Variants in MYBL2 observed in about 807,000 individuals in gnomAD.
The protein encoded by MYBL2 is myb-related protein B.
MYBL2 carries 28 observed loss-of-function variants against 79.9 expected under a neutral mutation model. The observed-to-expected ratio is 0.35, with a 90% CI of 0.26 to 0.48. MYBL2 has a LOEUF of 0.48. MYBL2 is among the 20% of genes least tolerant of loss of function. The probability of loss-of-function intolerance (pLI) is 0.99; values close to 1 mark genes in which losing one functional copy is unlikely to be tolerated. For synonymous variants in MYBL2, 378 were observed against 361.2 expected, an observed-to-expected ratio of 1.05 and a Z score of -0.53; for missense variants, 735 against 893.9, an observed-to-expected ratio of 0.82 and a Z score of 2.27.
chr20:43,670,103 T>C (rs570593596), intron 1 of MYBL2, among the ~76,000 whole-genome samples: 1 of 152,050 alleles, frequency 6.6e-6, no homozygotes, highest in African/African-American at 2.4e-5. Flanking sequence ...AGACTCTATC[T>C]CAAAATAAAC....
chr20:43,711,792 CCT>C (rs1987914528), intron 11 of MYBL2, among the ~76,000 whole-genome samples, 191 bp downstream of exon 11: 1 of 152,194 alleles, frequency 6.6e-6, no homozygotes, highest in African/African-American at 2.4e-5. Context: ...CTGGGACCCT[CCT>C]CTGCTCTGCT....
chr20:43,668,696 T>G (rs565430700), intron 1 of MYBL2, among the ~76,000 whole-genome samples: 1 of 150,780 alleles, frequency 6.6e-6, no homozygotes, highest in Non-Finnish European at 1.5e-5. Flanking sequence ...TTTTTTTTTT[T>G]TTTTTTTTTG....
chr20:43,701,811 A>G (rs1338071448), intron 7 of MYBL2, among the ~76,000 whole-genome samples: 3 of 152,216 alleles, frequency 2.0e-5, no homozygotes, highest in South Asian at 4.1e-4. Flanking sequence ...ACGTGAGCCC[A>G]GGAATTTGAG....
chr20:43,681,107 G>A (rs1987130922), intron 2 of MYBL2, among the ~76,000 whole-genome samples: 1 of 152,138 alleles, frequency 6.6e-6, no homozygotes, highest in South Asian at 2.1e-4. Flanking sequence ...ATGTTATCGC[G>A]TGAATTGGTA....
At chr20:43,669,870 A>G (rs1986817337) in intron 1 of MYBL2, among the ~76,000 whole-genome samples, 1 of 152,166 alleles carries the variant, frequency 6.6e-6, no homozygotes, top group Admixed American at 6.6e-5. Context: ...TCATGCCTGT[A>G]ATCCCAGCAC....
chr20:43,667,301 C>G lies in MYBL2; in HGVS notation c.18C>G (p.Arg6=), dbSNP rs1291638119. The G allele has an allele frequency of 1.3e-5, 16 of 1,229,450 alleles. No individual in the cohort carries two copies. Among genetic ancestry groups the G allele is most frequent in the Non-Finnish European group, 1.6e-5 (16 of 985,586 alleles). 76.2% of individuals were successfully genotyped at this position (1,229,450 alleles called of 1,614,324 possible). A position where few individuals can be genotyped will look rare whatever the true frequency, so the allele number is the denominator to read the frequency against. ...CCGGGGGGATGTCTCGGCGGACGCG[C>G]TGGTGAGACGAGCCGGGAGGGCTTG... is the stretch of plus-strand genomic sequence containing the variant. The part of the protein sequence containing the change: MSRRT[R]CEDLDELHYQ... Residue 6 remains arginine (R), a splice_region_variant and synonymous_variant, in exon 1 of 14, where the codon CGC becomes CGG. Coordinates refer to ENST00000217026, the MANE Select transcript of MYBL2 (RefSeq NM_002466.4).
rs548776906 is a variant in MYBL2 at position 43,697,206 on chromosome 20, T to C, written c.664-2551T>C. 1.1e-4 allele frequency among the ~76,000 whole-genome samples: 16 copies of C among 152,378 alleles called. No homozygotes were observed. In the South Asian group the frequency reaches 3.3e-3, roughly 32 times the overall value. On this transcript the variant is annotated intron_variant, in intron 6 of 13. Transcript: ENST00000217026. Reference sequence around the variant, plus strand: ...GCTATGGTTATATGAAAAAAAATCTTTGCCAGTTTTAATGAGCAACAAATG... The same window carrying C: ...GCTATGGTTATATGAAAAAAAATCTCTGCCAGTTTTAATGAGCAACAAATG...
chr20:43,699,040 ATTTT>A (rs567685673), intron 6 of MYBL2, among the ~76,000 whole-genome samples: 27 of 151,860 alleles, frequency 1.8e-4, no homozygotes, highest in African/African-American at 5.8e-4. Flanking sequence ...TTAAAAATTT[ATTTT>A]TTAATTTTTT....
At chr20:43,698,389 T>TAG (rs1987604234) in intron 6 of MYBL2, among the ~76,000 whole-genome samples, 1 of 63,496 alleles carries the variant, frequency 1.6e-5, no homozygotes, top group Non-Finnish European at 2.8e-5. Flanking sequence ...TTTTTTTTTT[T>TAG]TTTTTTGAGA....
intron 4 of MYBL2, among the ~76,000 whole-genome samples, 166 bp downstream of exon 4, chr20:43,683,052 T>G (rs1987180642): frequency 6.6e-6 from 1 of 152,190 alleles, no homozygotes; most frequent in Non-Finnish European, 1.5e-5. Flanking sequence ...GCTCCAGCCC[T>G]GAGATTCCAA....
At chr20:43,715,724 G>A (rs114279365) in intron 13 of MYBL2, among the ~76,000 whole-genome samples, 1,703 of 152,262 alleles carry the variant, frequency 0.011, 35 homozygotes, top group African/African-American at 0.038. Flanking sequence ...GGTGCTGCAC[G>A]GGGCGGGCAG....
chr20:43,702,950 T>G (rs1987707892), intron 8 of MYBL2, 47 bp downstream of exon 8: 1 of 1,537,180 alleles, frequency 6.5e-7, no homozygotes, highest in Admixed American at 1.8e-5. Context: ...TACAGACACC[T>G]AGTGTTCAGT....
chr20:43,715,380 T>C, intron 13 of MYBL2, 97 bp downstream of exon 13: 1 of 1,564,138 alleles, frequency 6.4e-7, no homozygotes, highest in East Asian at 2.3e-5. Flanking sequence ...AGTGCCCGCC[T>C]TCTTAGCTCA....
chr20:43,688,489 C>G (rs182181218), intron 5 of MYBL2, among the ~76,000 whole-genome samples: 1 of 152,194 alleles, frequency 6.6e-6, no homozygotes, highest in Non-Finnish European at 1.5e-5. Context: ...GCCACTATGC[C>G]CAGACTCTTT....
At chr20:43,689,105 G>A (rs1014849629) in intron 5 of MYBL2, among the ~76,000 whole-genome samples, 2 of 152,038 alleles carry the variant, frequency 1.3e-5, no homozygotes, top group African/African-American at 4.8e-5. Context: ...GCTGGATATT[G>A]TTCCCCTGTT....
At chr20:43,676,309 CCTT>C in intron 2 of MYBL2, among the ~76,000 whole-genome samples, 1 of 151,332 alleles carries the variant, frequency 6.6e-6, no homozygotes, top group Middle Eastern at 3.4e-3. Context: ...CTCCTTGTTC[CCTT>C]CTTCGTGTCC....
Position 43,711,601 on chromosome 20 carries a change from G to A in MYBL2, c.1719G>A (p.Gly573=), listed in dbSNP as rs1419239887. The change falls in exon 11 of 14, where the codon GGG becomes GGA. Residue 573 remains glycine (G), a splice_region_variant and synonymous_variant. Transcript: ENST00000217026. ...CCGAGAAGCAGAAGAGGAAGCCTGG[G>A]GTGAGTAGGGTAGGGGTGGGAGAGC... ...IRPEKQKRKP[G]LRRSPIKKVR... is the part of the protein sequence containing the mutation. 4 of 1,610,784 alleles carry A rather than the reference G, an allele frequency of 2.5e-6. No homozygotes were observed. The highest frequency in any genetic ancestry group is 1.7e-5 in the Admixed American group (1 of 59,564).
At chr20:43,705,637 C>T (rs756445069) in intron 9 of MYBL2, among the ~76,000 whole-genome samples, 3 of 152,002 alleles carry the variant, frequency 2.0e-5, no homozygotes, top group Non-Finnish European at 4.4e-5. Context: ...GCTGGGACTC[C>T]AGGTGCATGC....
At position 43,692,212 on chromosome 20, in the gene MYBL2, A is replaced by G. The variant is rs771806295; in HGVS notation, c.556A>G (p.Thr186Ala). The G allele has an allele frequency of 1.2e-6, 2 of 1,614,184 alleles. No individual in the cohort carries two copies. The highest frequency in any genetic ancestry group is 2.2e-5 in the South Asian group (2 of 91,086). Reference protein sequence around the residue: ...WNSTIKRKVDTGGFLSESKDC... With the variant: ...WNSTIKRKVDAGGFLSESKDC... Reference sequence around the variant, plus strand: ...CTCTACCATCAAAAGGAAGGTGGACACAGGAGGCTTCTTGAGCGAGTCCAA... The same window carrying G: ...CTCTACCATCAAAAGGAAGGTGGACGCAGGAGGCTTCTTGAGCGAGTCCAA... The change falls in exon 6 of 14, where the codon ACA (threonine) becomes GCA (alanine). Residue 186 changes from threonine (T) to alanine (A), a missense_variant. This residue lies in a region of MYBL2 where 144 missense variants were observed against 131.9 expected (regional missense o/e 1.09). Transcript: ENST00000217026.
Sources: gnomAD v4.1 joint callset for allele counts (sites outside exome capture counted in the v4.1 genomes callset) on GRCh38, gnomAD v4.1.1 for gene constraint, gnomAD v4.1.1 regional missense constraint, MANE v1.5 for transcripts, NCBI Gene and HGNC (gene_info 2026-07-23, HGNC 2026-07-21) for gene names.